Variants in ACTN1 observed in about 807,000 individuals in gnomAD.
ACTN1 encodes actinin alpha 1.
A neutral mutation model predicts 119.6 loss-of-function variants in ACTN1; 30 were observed. The observed-to-expected ratio is 0.25, with a 90% confidence interval of 0.19 to 0.34. ACTN1 has a LOEUF of 0.34. Among genes scored for constraint, ACTN1 ranks in the 10% least tolerant of loss-of-function variants. ACTN1 has a pLI of 1.00. For missense variants in ACTN1, 764 were observed against 1,223.4 expected, an observed-to-expected ratio of 0.62 and a Z score of 5.60; for synonymous variants, 429 against 472.6, an observed-to-expected ratio of 0.91 and a Z score of 1.20.
chr14:68,890,423 G>T, intron 10 of ACTN1, 137 bp from the exon 11 acceptor site: 1 of 1,038,896 alleles, frequency 9.6e-7, no homozygotes. Flanking sequence ...ATCCACCCTA[G>T]CCAGGCTGCC....
intron 3 of ACTN1, among the ~76,000 whole-genome samples, chr14:68,918,502 C>G (rs929550289): frequency 2.9e-5 from 1 of 34,938 alleles, no homozygotes; most frequent in Non-Finnish European, 5.4e-5. Flanking sequence ...AGGAGAATGG[C>G]GTCAAACTGG....
At chr14:68,888,587 A>G (rs2032218615) in intron 11 of ACTN1, among the ~76,000 whole-genome samples, 1 of 152,030 alleles carries the variant, frequency 6.6e-6, no homozygotes, top group Admixed American at 6.6e-5. Flanking sequence ...CCCATCCCCT[A>G]CACCAGGGGT....
chr14:68,979,005 C>G lies in ACTN1; in HGVS notation c.52G>C (p.Asp18His), dbSNP rs768904252. The G allele has an allele frequency of 1.2e-6, 2 of 1,604,856 alleles. No homozygotes were observed. Among genetic ancestry groups the G allele is most frequent in the South Asian group, 2.2e-5 (2 of 89,740 alleles). The change falls in exon 1 of 22, where the codon GAC (aspartate) becomes CAC (histidine). Residue 18 changes from aspartate to histidine, a missense_variant. Transcript: ENST00000394419. ...QTNDYMQPEE[D>H]WDRDLLLDPA... ...TCCAGGAGCAGGTCCCGGTCCCAGT[C>G]CTCTTCTGGCTGCATGTAATCGTTG...
intron 6 of ACTN1, among the ~76,000 whole-genome samples, chr14:68,908,170 C>A (rs538541107): frequency 1.1e-4 from 4 of 36,678 alleles, no homozygotes; most frequent in African/African-American, 4.5e-4. Context: ...CTTCAGGTGA[C>A]GGGGCAGTGT....
intron 1 of ACTN1, among the ~76,000 whole-genome samples, chr14:68,927,821 A>G (rs1434789418): frequency 6.6e-6 from 1 of 152,134 alleles, no homozygotes; most frequent in Non-Finnish European, 1.5e-5. Context: ...AACAAATATA[A>G]TTTACTTTGG....
At chr14:68,889,899 G>A (rs920339190) in intron 11 of ACTN1, among the ~76,000 whole-genome samples, 1 of 152,200 alleles carries the variant, frequency 6.6e-6, no homozygotes, top group Admixed American at 6.5e-5. Flanking sequence ...TCAGAACTTC[G>A]TTATGTATTA....
chr14:68,944,372 C>T (rs1021781353), intron 1 of ACTN1, among the ~76,000 whole-genome samples: 5 of 152,210 alleles, frequency 3.3e-5, no homozygotes, highest in Admixed American at 6.5e-5. Flanking sequence ...GCAGATTCTA[C>T]AGACTCGCCC....
intron 8 of ACTN1, 114 bp downstream of exon 8, chr14:68,902,363 G>A: frequency 1.1e-6 from 1 of 924,376 alleles, no homozygotes; most frequent in Non-Finnish European, 1.7e-6. Flanking sequence ...CTGTCCGAGA[G>A]ACCAGACCAT....
chr14:68,898,859 G>A (rs1222437202), intron 8 of ACTN1, among the ~76,000 whole-genome samples: 1 of 151,628 alleles, frequency 6.6e-6, no homozygotes, highest in Non-Finnish European at 1.5e-5. Context: ...ATTTGGGAGG[G>A]GGAGCAGGCT....
intron 1 of ACTN1, chr14:68,936,590 G>C (rs1449290644): frequency 1.8e-6 from 1 of 559,004 alleles, no homozygotes; most frequent in African/African-American, 1.9e-5. Flanking sequence ...CTGCCGATTA[G>C]GCCTAATCAA....
At chr14:68,926,609 T>C (rs1161680610) in intron 1 of ACTN1, among the ~76,000 whole-genome samples, 1 of 152,198 alleles carries the variant, frequency 6.6e-6, no homozygotes, top group Non-Finnish European at 1.5e-5. Flanking sequence ...GCACTACCAA[T>C]TACATGGGGC....
At chr14:68,974,840 G>A (rs2037007908) in intron 1 of ACTN1, among the ~76,000 whole-genome samples, 1 of 152,182 alleles carries the variant, frequency 6.6e-6, no homozygotes, top group Admixed American at 6.5e-5. Context: ...CCTGTTAAGG[G>A]CTGGGCTCTT....
At chr14:68,897,536 T>C (rs938681494) in intron 8 of ACTN1, among the ~76,000 whole-genome samples, 1 of 152,166 alleles carries the variant, frequency 6.6e-6, no homozygotes, top group Non-Finnish European at 1.5e-5. Flanking sequence ...GTCCTCAAGG[T>C]GACATCAAAA....
chr14:68,960,973 G>A lies in ACTN1; in HGVS notation c.105+17979C>T, dbSNP rs186743216. Among the ~76,000 whole-genome samples, 417 of 152,262 alleles carry A rather than the reference G, an allele frequency of 2.7e-3. 2 individuals carry two copies. The highest frequency in any genetic ancestry group is 9.5e-3 in the African/African-American group (396 of 41,544). ...GTCCCAGCTACTCAGAGGAGGCTTA[G>A]GTGGGAGGATCCCTTGAGCCCAAAA... On this transcript the variant is annotated intron_variant, in intron 1 of 21. Coordinates refer to ENST00000394419, the MANE Select transcript of ACTN1 (RefSeq NM_001130004.2).
intron 1 of ACTN1, among the ~76,000 whole-genome samples, chr14:68,948,417 A>G (rs1352576221): frequency 6.6e-6 from 1 of 152,184 alleles, no homozygotes; most frequent in Non-Finnish European, 1.5e-5. Flanking sequence ...GTCTCTACTA[A>G]AAATACAAAA....
chr14:68,956,751 C>G (rs1055786749), intron 1 of ACTN1, among the ~76,000 whole-genome samples: 2 of 152,194 alleles, frequency 1.3e-5, no homozygotes, highest in Non-Finnish European at 2.9e-5. Context: ...AAAGGAACCT[C>G]TCCTTCACAG....
Position 68,957,702 on chromosome 14 carries a change from C to A in ACTN1, c.105+21250G>T, listed in dbSNP as rs191955760. ...TCTGTGGGTTGCAGGGGGTCAGCAA[C>A]CCTCAGCCCACAACCAGTACCCTGG... On this transcript the variant is annotated intron_variant, in intron 1 of 21. Transcript: ENST00000394419. 1.6e-4 allele frequency among the ~76,000 whole-genome samples: 24 copies of A among 152,274 alleles called. 1 individual carries two copies. In the East Asian group the frequency reaches 2.3e-3, roughly 15 times the overall value.
intron 8 of ACTN1, among the ~76,000 whole-genome samples, chr14:68,894,314 C>T (rs2032719964): frequency 6.6e-6 from 1 of 152,218 alleles, no homozygotes; most frequent in Non-Finnish European, 1.5e-5. Flanking sequence ...CATTCTACTG[C>T]ACCCAAGTCC....
intron 1 of ACTN1, among the ~76,000 whole-genome samples, chr14:68,938,844 T>C (rs1009596824): frequency 5.3e-5 from 8 of 152,212 alleles, no homozygotes; most frequent in Admixed American, 5.2e-4. Context: ...AGAAGTCCTG[T>C]TGTTTTTTTT....
Sources: allele counts gnomAD v4.1 joint callset (sites outside exome capture counted in the v4.1 genomes callset), GRCh38; gene constraint gnomAD v4.1.1; transcripts MANE v1.5; gene names NCBI Gene and HGNC (gene_info 2026-07-23, HGNC 2026-07-21).